Variants in PLVAP observed in about 807,000 individuals in gnomAD.
PLVAP encodes plasmalemma vesicle associated protein, also known as plasmalemma vesicle-associated protein.
A neutral mutation model predicts 43.1 loss-of-function variants in PLVAP; 34 were observed. The observed-to-expected ratio is 0.79, with a 90% CI of 0.60 to 1.05. The LOEUF is 1.05. PLVAP is among the 50% of genes least tolerant of loss of function. The probability of loss-of-function intolerance (pLI) is 0.00; values close to 1 mark genes in which losing one functional copy is unlikely to be tolerated. For missense variants in PLVAP, 574 were observed against 593.4 expected (o/e 0.97, Z 0.34); for synonymous variants, 241 against 237.3 (o/e 1.02, Z -0.14).
In PLVAP at chr19:17,352,164, C is replaced by T. The variant is rs2145715524; in HGVS notation, c.*198G>A. On this transcript the variant is annotated 3_prime_UTR_variant, in exon 6 of 6. Transcript: ENST00000252590. ...GTGACGTCATCTCCGCGGCCGTGTG[C>T]TCTGGGTGAGGGATCGTGAGGCGCG... is the stretch of plus-strand genomic sequence containing the variant. 1.5e-6 allele frequency: 1 copy of T among 684,690 alleles called. No individual in the cohort carries two copies. The highest frequency in any genetic ancestry group is 2.5e-6 in the Non-Finnish European group (1 of 403,720). 42.4% of individuals were successfully genotyped at this position (684,690 alleles called of 1,614,324 possible).
In PLVAP at chr19:17,365,656, C is replaced by T. The variant is rs750109599; in HGVS notation, c.809G>A (p.Arg270Lys). 1.2e-6 allele frequency: 2 copies of T among 1,613,736 alleles called. No individual in the cohort carries two copies. The highest frequency in any genetic ancestry group is 1.7e-6 in the Non-Finnish European group (2 of 1,180,006). Residue 270 changes from arginine to lysine, a missense_variant, in exon 3 of 6, where the codon AGA (arginine) becomes AAA (lysine). Coordinates refer to ENST00000252590, the MANE Select transcript of PLVAP (RefSeq NM_031310.3). ...GAGGCTGGGCATGTGGTCGCAGGCT[C>T]TGCGGATGGAGGCCAATTCCGAGCC... ...PLGSELASIR[R>K]ACDHMPSLMS... is the part of the protein sequence containing the mutation.
intron 3 of PLVAP, among the ~76,000 whole-genome samples, chr19:17,361,612 C>A (rs1010431761): frequency 4.6e-5 from 7 of 152,164 alleles, no homozygotes; most frequent in African/African-American, 1.7e-4. Flanking sequence ...AATCCAAAGC[C>A]AATTCTGAAC....
intron 1 of PLVAP, among the ~76,000 whole-genome samples, chr19:17,373,188 G>C (rs902438683): frequency 7.9e-5 from 12 of 151,496 alleles, no homozygotes; most frequent in African/African-American, 2.4e-4. Flanking sequence ...CCTATTGGGA[G>C]GGTCTGAGGG....
chr19:17,364,777 TTTTTTTTTTTTTTG>T, intron 3 of PLVAP, among the ~76,000 whole-genome samples: 1 of 142,104 alleles, frequency 7.0e-6, no homozygotes, highest in Non-Finnish European at 1.5e-5. Flanking sequence ...TTTTTTTTTT[TTTTTTTTTTTTTTG>T]AGATGGAGTC....
intron 5 of PLVAP, among the ~76,000 whole-genome samples, chr19:17,354,106 G>A (rs936350300): frequency 9.2e-5 from 14 of 151,494 alleles, no homozygotes; most frequent in Admixed American, 1.3e-4. Context: ...CCTGGCCAAT[G>A]TGGTGAAAAC....
chr19:17,355,272 A>G (rs1263909959), intron 5 of PLVAP, among the ~76,000 whole-genome samples: 1 of 148,118 alleles, frequency 6.8e-6, no homozygotes, highest in Non-Finnish European at 1.5e-5. Context: ...AAAATAAATA[A>G]TAAAATCTTT....
At chr19:17,366,250 G>T in intron 1 of PLVAP, 55 bp from the exon 2 acceptor site, 9 of 1,567,638 alleles carry the variant, frequency 5.7e-6, no homozygotes, top group Non-Finnish European at 7.9e-6. Flanking sequence ...TTGCCCCCAG[G>T]ACTGCCTGGA....
At chr19:17,373,924 G>C (rs535389069) in intron 1 of PLVAP, among the ~76,000 whole-genome samples, 2 of 152,282 alleles carry the variant, frequency 1.3e-5, no homozygotes, top group African/African-American at 4.8e-5. Context: ...CACTTTGGGA[G>C]GCCAAGGCAG....
At chr19:17,360,671 G>T (rs1256048747) in intron 4 of PLVAP, 62 bp from the exon 5 acceptor site, 29 of 1,583,006 alleles carry the variant, frequency 1.8e-5, no homozygotes, top group Middle Eastern at 1.7e-4. Context: ...CCTGGGCTAG[G>T]GATGGGCTGG....
intron 1 of PLVAP, among the ~76,000 whole-genome samples, chr19:17,368,458 C>T (rs915293339): frequency 2.0e-5 from 3 of 151,970 alleles, no homozygotes; most frequent in African/African-American, 7.2e-5. Context: ...GTGATTCGCC[C>T]CCCTCGGCCT....
chr19:17,365,785 G>A lies in PLVAP; in HGVS notation c.680C>T (p.Pro227Leu), dbSNP rs758353667. The A allele has an allele frequency of 3.1e-6, 5 of 1,614,132 alleles. No homozygotes were observed. Among genetic ancestry groups the A allele is most frequent in the Middle Eastern group, 1.6e-4 (1 of 6,062 alleles). Residue 227 changes from proline to leucine, a missense_variant, in exon 3 of 6, where the codon CCC becomes CTC. Coordinates refer to ENST00000252590, the MANE Select transcript of PLVAP (RefSeq NM_031310.3). ...CATCTCAAACTTGTCCTTGTCCAGG[G>A]GCAGGCAGAGGGCTTGCACCTTTTG... ...QLQKVQALCL[P>L]LDKDKFEMDL...
chr19:17,359,405 C>A (rs1218056722), intron 5 of PLVAP, among the ~76,000 whole-genome samples: 2 of 150,918 alleles, frequency 1.3e-5, no homozygotes, highest in African/African-American at 4.9e-5. Flanking sequence ...TGAGCCACTG[C>A]AACCAGCCTC....
chr19:17,368,329 C>T (rs575325147), intron 1 of PLVAP, among the ~76,000 whole-genome samples: 3 of 151,972 alleles, frequency 2.0e-5, no homozygotes, highest in South Asian at 2.1e-4. Flanking sequence ...ACCTCGGCCT[C>T]CTAAAGTGCT....
chr19:17,359,693 C>CTTTTTTTTTTTTTTTTT (rs10617408), intron 5 of PLVAP, among the ~76,000 whole-genome samples: 1 of 116,138 alleles, frequency 8.6e-6, no homozygotes, highest in Non-Finnish European at 1.7e-5. Context: ...TACCCGGCCT[C>CTTTTTTTTTTTTTTTTT]TTTTTTTTTT....
At position 17,352,188 on chromosome 19, in the gene PLVAP, C is replaced by T. The variant is rs945120802; in HGVS notation, c.*174G>A. 6 of 788,668 alleles carry T rather than the reference C, an allele frequency of 7.6e-6. No individual in the cohort carries two copies. The highest frequency in any genetic ancestry group is 2.1e-5 in the African/African-American group (1 of 48,464). 48.9% of individuals were successfully genotyped at this position (788,668 alleles called of 1,614,324 possible). A position where few individuals can be genotyped will look rare whatever the true frequency, so the allele number is the denominator to read the frequency against. Reference sequence around the variant, plus strand: ...GCTCTGGGTGAGGGATCGTGAGGCGCGGGTGCGGGTGTGAGAGGGTACTAG... The same window carrying T: ...GCTCTGGGTGAGGGATCGTGAGGCGTGGGTGCGGGTGTGAGAGGGTACTAG... On this transcript the variant is annotated 3_prime_UTR_variant, in exon 6 of 6. Transcript: ENST00000252590.
chr19:17,365,214 C>T, intron 3 of PLVAP, 72 bp downstream of exon 3: 1 of 1,435,022 alleles, frequency 7.0e-7, no homozygotes, highest in South Asian at 1.3e-5. Flanking sequence ...ACTCCAAGTT[C>T]AAATCGCCAC....
intron 1 of PLVAP, among the ~76,000 whole-genome samples, chr19:17,369,585 A>G (rs2074563707): frequency 6.9e-6 from 1 of 145,098 alleles, no homozygotes; most frequent in South Asian, 2.5e-4. Flanking sequence ...CAGTGAGATG[A>G]GATTGTGCCA....
Position 17,366,533 on chromosome 19 carries a change from C to T in PLVAP, c.370-338G>A, listed in dbSNP as rs142829600. Among the ~76,000 whole-genome samples, 1,172 of 152,178 alleles carry T rather than the reference C, an allele frequency of 7.7e-3. 8 individuals carry two copies. The highest frequency in any genetic ancestry group is 0.021 in the Middle Eastern group (6 of 290). The stretch of plus-strand genomic sequence containing the variant: ...TCTTCAAAAGCTTTTACAGTTACTA[C>T]TATCCAGAAATAAAAAGACACAAAG... On this transcript the variant is annotated intron_variant, in intron 1 of 5. Transcript: ENST00000252590.
In PLVAP at chr19:17,365,891, C is replaced by T. The variant is rs151286294; in HGVS notation, c.574G>A (p.Val192Met). The T allele has an allele frequency of 4.9e-5, 79 of 1,613,978 alleles. No individual in the cohort carries two copies. Among genetic ancestry groups the T allele is most frequent in the East Asian group, 4.5e-4 (20 of 44,884 alleles). ...CATTCAACCAGCTGTTCCTCCGCCACGCGTTTGTTCAGCAGCACGCTTTCC... is the reference window on the plus strand; with the variant it reads ...CATTCAACCAGCTGTTCCTCCGCCATGCGTTTGTTCAGCAGCACGCTTTCC... ...DKESVLLNKRVAEEQLVECVK... is the reference protein window; with the variant it reads ...DKESVLLNKRMAEEQLVECVK... The change falls in exon 3 of 6, where the codon GTG (valine) becomes ATG (methionine). Residue 192 changes from valine (V) to methionine (M), a missense_variant. Val to Met is a conservative substitution (Grantham distance 21). Coordinates refer to ENST00000252590, the MANE Select transcript of PLVAP (RefSeq NM_031310.3).
Sources: gnomAD v4.1 joint callset for allele counts (sites outside exome capture counted in the v4.1 genomes callset) on GRCh38, gnomAD v4.1.1 for gene constraint, MANE v1.5 for transcripts, NCBI Gene and HGNC (gene_info 2026-07-23, HGNC 2026-07-21) for gene names.